Variants in SLC18A2 observed in about 807,000 individuals in gnomAD.
SLC18A2 encodes synaptic vesicular amine transporter.
Under a neutral mutation model 59.2 loss-of-function variants are expected in SLC18A2, and 33 were observed. That is an observed-to-expected ratio of 0.56 (90% confidence interval 0.42 to 0.75). SLC18A2 has a LOEUF of 0.75. Ranked by LOEUF, SLC18A2 falls within the 30% of genes least tolerant of loss-of-function variation. SLC18A2 has a pLI of 0.00. For synonymous variants in SLC18A2, 228 were observed against 253.5 expected (o/e 0.90, Z 0.95); for missense variants, 569 against 668.6 (o/e 0.85, Z 1.64).
At chr10:117,243,494 G>A (rs927739184) in intron 2 of SLC18A2, among the ~76,000 whole-genome samples, 6 of 152,182 alleles carry the variant, frequency 3.9e-5, no homozygotes, top group Non-Finnish European at 7.4e-5. Flanking sequence ...TGTCGTTATA[G>A]ACATATGGCA....
At chr10:117,258,490 T>C (rs1169770664) in intron 10 of SLC18A2, among the ~76,000 whole-genome samples, 1 of 152,238 alleles carries the variant, frequency 6.6e-6, no homozygotes, top group African/African-American at 2.4e-5. Flanking sequence ...CTGTGTGACC[T>C]CTTGTTTTTC....
At position 117,277,573 on chromosome 10, in the gene SLC18A2, C is replaced by A; in HGVS notation, c.*307C>A. ...AATCTATAAATATTTGAATCCAAAC[C>A]AAATATAATTTTTTAACTTACATTA... On this transcript the variant is annotated 3_prime_UTR_variant, in exon 16 of 16. Coordinates refer to ENST00000644641, the MANE Select transcript of SLC18A2 (RefSeq NM_003054.6). The A allele has an allele frequency of 6.0e-6, 1 of 165,626 alleles. No homozygotes were observed. 10.3% of individuals were successfully genotyped at this position (165,626 alleles called of 1,614,324 possible). A position where few individuals can be genotyped will look rare whatever the true frequency, so the allele number is the denominator to read the frequency against.
Position 117,242,387 on chromosome 10 carries a change from A to G in SLC18A2, c.121+573A>G, listed in dbSNP as rs552834721. Among the ~76,000 whole-genome samples, 12 of 152,310 alleles carry G rather than the reference A, an allele frequency of 7.9e-5. No individual in the cohort carries two copies. In the South Asian group the frequency reaches 2.5e-3, roughly 32 times the overall value. ...TTGAAAAATTAAATAATCGAAATCC[A>G]GGTCCCTTAATTAGGCCCATTAACA... On this transcript the variant is annotated intron_variant, in intron 2 of 15. Transcript: ENST00000644641.
Position 117,248,335 on chromosome 10 carries a change from G to T in SLC18A2, c.464+4022G>T, listed in dbSNP as rs114847032. On this transcript the variant is annotated intron_variant, in intron 3 of 15. Coordinates refer to ENST00000644641, the MANE Select transcript of SLC18A2 (RefSeq NM_003054.6). ...TGAAAATATAGAGTAACAATTCTTGGGTTCATTTAACTGCTAATAGGATGC... is the reference window on the plus strand; with the variant it reads ...TGAAAATATAGAGTAACAATTCTTGTGTTCATTTAACTGCTAATAGGATGC... Among the ~76,000 whole-genome samples, 1,363 of 152,142 alleles carry T rather than the reference G, an allele frequency of 9.0e-3. 20 individuals carry two copies. The highest frequency in any genetic ancestry group is 0.031 in the African/African-American group (1,280 of 41,478).
chr10:117,257,760 G>C (rs772680783), intron 9 of SLC18A2, 37 bp from the exon 10 acceptor site: 2 of 1,411,632 alleles, frequency 1.4e-6, no homozygotes, highest in Admixed American at 4.2e-5. Flanking sequence ...TGAGAGAGGA[G>C]GCAGAAGCCA....
chr10:117,271,409 C>CA (rs1844424302), intron 15 of SLC18A2, among the ~76,000 whole-genome samples: 1 of 152,190 alleles, frequency 6.6e-6, no homozygotes, highest in Non-Finnish European at 1.5e-5. Context: ...TGCTTTTCCC[C>CA]AAAAGGAGAT....
At chr10:117,275,101 C>A (rs747851481) in intron 15 of SLC18A2, among the ~76,000 whole-genome samples, 9 of 152,130 alleles carry the variant, frequency 5.9e-5, no homozygotes, top group South Asian at 2.1e-4. Context: ...GGGGGTTAAA[C>A]CTTTGTGTTA....
intron 3 of SLC18A2, among the ~76,000 whole-genome samples, chr10:117,247,470 C>T (rs1321163463): frequency 6.6e-6 from 1 of 152,168 alleles, no homozygotes; most frequent in East Asian, 1.9e-4. Context: ...TTGTTCTTCC[C>T]CGCTTCCTGT....
At chr10:117,242,019 G>A (rs1844062004) in intron 2 of SLC18A2, 2 of 493,978 alleles carry the variant, frequency 4.0e-6, no homozygotes, top group African/African-American at 2.0e-5. Flanking sequence ...CCTGATGCTC[G>A]GGTCAAAAAC....
intron 15 of SLC18A2, among the ~76,000 whole-genome samples, chr10:117,272,419 T>C (rs2133746548): frequency 6.6e-6 from 1 of 152,330 alleles, no homozygotes; most frequent in South Asian, 2.1e-4. Context: ...ATGGCTTATC[T>C]GTGGCCTTGG....
In SLC18A2 at chr10:117,244,176, C is replaced by T. The variant is rs150696989; in HGVS notation, c.327C>T (p.Asn109=). Residue 109 remains asparagine, a synonymous_variant, in exon 3 of 16, where the codon AAC becomes AAT. Transcript: ENST00000644641. ...CCGCCACACAGCACATGGTGACCAACGCGTCCGCTGTTCCTTCCGACTGTC... is the reference window on the plus strand; with the variant it reads ...CCGCCACACAGCACATGGTGACCAATGCGTCCGCTGTTCCTTCCGACTGTC... ...HQTATQHMVT[N]ASAVPSDCPS... The T allele has an allele frequency of 3.4e-5, 55 of 1,614,204 alleles. No individual in the cohort carries two copies. Among genetic ancestry groups the T allele is most frequent in the Middle Eastern group, 1.6e-4 (1 of 6,062 alleles).
At chr10:117,251,941 G>A (rs954446876) in intron 3 of SLC18A2, among the ~76,000 whole-genome samples, 2 of 151,668 alleles carry the variant, frequency 1.3e-5, no homozygotes, top group African/African-American at 2.4e-5. Context: ...TTAAATGAAG[G>A]CGCTATGATT....
At chr10:117,245,864 G>A (rs1844105751) in intron 3 of SLC18A2, among the ~76,000 whole-genome samples, 1 of 152,188 alleles carries the variant, frequency 6.6e-6, no homozygotes. Context: ...GAATTTTCTG[G>A]ATGGAAGGGT....
At chr10:117,244,904 A>G (rs1273627321) in intron 3 of SLC18A2, among the ~76,000 whole-genome samples, 3 of 152,218 alleles carry the variant, frequency 2.0e-5, no homozygotes, top group Non-Finnish European at 2.9e-5. Flanking sequence ...CACGTGCATG[A>G]AAGGAAGAGA....
At position 117,277,302 on chromosome 10, in the gene SLC18A2, G is replaced by A. The variant is rs778764888; in HGVS notation, c.*36G>A. 3.1e-6 allele frequency: 4 copies of A among 1,290,984 alleles called. No homozygotes were observed. Among genetic ancestry groups the A allele is most frequent in the Admixed American group, 3.5e-5 (2 of 57,186 alleles). 80.0% of individuals were successfully genotyped at this position (1,290,984 alleles called of 1,614,324 possible). On this transcript the variant is annotated 3_prime_UTR_variant, in exon 16 of 16. Coordinates refer to ENST00000644641, the MANE Select transcript of SLC18A2 (RefSeq NM_003054.6). ...TCAAAAATCATCAAAGTGTTTAATT[G>A]TATAAAACAGTGTTTCCAGTGACAC...
At chr10:117,271,590 C>A (rs1844428597) in intron 15 of SLC18A2, among the ~76,000 whole-genome samples, 1 of 152,098 alleles carries the variant, frequency 6.6e-6, no homozygotes. Flanking sequence ...AATGCATGGC[C>A]CGTCTGACTC....
intron 12 of SLC18A2, chr10:117,267,345 T>C (rs1844359538): frequency 1.8e-5 from 8 of 444,258 alleles, no homozygotes; most frequent in Admixed American, 3.9e-5. Flanking sequence ...CAAGATGTTT[T>C]TCTAGAATAA....
At chr10:117,241,578 C>G (rs1193753798) in intron 1 of SLC18A2, 101 bp from the exon 2 acceptor site, 3 of 1,270,154 alleles carry the variant, frequency 2.4e-6, no homozygotes, top group Non-Finnish European at 3.1e-6. Context: ...CCCCGGATGC[C>G]GGTGCGCGCG....
rs758715677 is a variant in SLC18A2 at position 117,270,080 on chromosome 10, A to C, written c.1196A>C (p.Asp399Ala). 2 of 1,614,188 alleles carry C rather than the reference A, an allele frequency of 1.2e-6. No homozygotes were observed. Among genetic ancestry groups the C allele is most frequent in the Non-Finnish European group, 8.5e-7 (1 of 1,180,014 alleles). The part of the protein sequence containing the change: ...FGVGFAIGMV[D>A]SSMMPIMGYL... The stretch of plus-strand genomic sequence containing the variant: ...CCCTGACTGTCTTCAGGAATGGTGG[A>C]TTCGTCAATGATGCCTATCATGGGC... Residue 399 changes from aspartate (D) to alanine (A), a missense_variant, in exon 14 of 16, where the codon GAT becomes GCT. This residue lies in a region of SLC18A2 where 192 missense variants were observed against 278.8 expected (regional missense o/e 0.69). Coordinates refer to ENST00000644641, the MANE Select transcript of SLC18A2 (RefSeq NM_003054.6).
Sources: gnomAD v4.1 joint callset for allele counts (sites outside exome capture counted in the v4.1 genomes callset) on GRCh38, gnomAD v4.1.1 for gene constraint, gnomAD v4.1.1 regional missense constraint, MANE v1.5 for transcripts, NCBI Gene and HGNC (gene_info 2026-07-23, HGNC 2026-07-21) for gene names.